ARHGEF3: variants seen among roughly 807,000 people sequenced by gnomAD.
ARHGEF3 encodes the protein Rho guanine nucleotide exchange factor 3, also known as 59.8 kDA protein.
Under a neutral mutation model 63.2 loss-of-function variants are expected in ARHGEF3, and 28 were observed. The ratio of observed to expected loss-of-function variants is 0.44; its 90% confidence interval spans 0.33 to 0.61. ARHGEF3 has a LOEUF of 0.61. Among genes scored for constraint, ARHGEF3 ranks in the 20% least tolerant of loss-of-function variants. ARHGEF3 has a pLI of 0.03. For missense variants in ARHGEF3, 533 were observed against 659.3 expected (o/e 0.81, Z 2.10); for synonymous variants, 266 against 254.2 (o/e 1.05, Z -0.44).
At chr3:56,738,316 G>C (rs1004614938) in intron 7 of ARHGEF3, among the ~76,000 whole-genome samples, 1 of 152,096 alleles carries the variant, frequency 6.6e-6, no homozygotes, top group African/African-American at 2.4e-5. Context: ...GGGATTACAA[G>C]TGTGAGCCAC....
At chr3:56,929,168 G>C (rs983967711) in intron 3 of ARHGEF3, among the ~76,000 whole-genome samples, 1 of 152,218 alleles carries the variant, frequency 6.6e-6, no homozygotes, top group Non-Finnish European at 1.5e-5. Flanking sequence ...AGGAGAGTGA[G>C]AGTGGGGGAT....
At chr3:56,807,671 A>C (rs908962230) in intron 4 of ARHGEF3, among the ~76,000 whole-genome samples, 4 of 152,200 alleles carry the variant, frequency 2.6e-5, no homozygotes, top group African/African-American at 9.7e-5. Context: ...AACCTAAAGA[A>C]GTTCTGGCAG....
intron 9 of ARHGEF3, 90 bp downstream of exon 9, chr3:56,732,148 G>A (rs1432890287): frequency 4.7e-6 from 7 of 1,476,072 alleles, no homozygotes; most frequent in African/African-American, 1.4e-5. Flanking sequence ...CTTCAAGACC[G>A]TGGCTTTTCT....
intron 2 of ARHGEF3, among the ~76,000 whole-genome samples, chr3:56,984,530 C>A (rs186056494): frequency 6.6e-6 from 1 of 150,872 alleles, no homozygotes; most frequent in Non-Finnish European, 1.5e-5. Flanking sequence ...AAATACTGGA[C>A]GAAAAACTAG....
rs541175762 is a variant in ARHGEF3 at position 56,838,836 on chromosome 3, T to C, written c.192+43456A>G. Among the ~76,000 whole-genome samples, 5 of 152,166 alleles carry C rather than the reference T, an allele frequency of 3.3e-5. 1 individual carries two copies. In the South Asian group the frequency reaches 1.0e-3, roughly 32 times the overall value. Reference sequence around the variant, plus strand: ...GTCATTTAAGAAAGGCAAACGATAATTTGTATAACCTGGCCGGGTGCAGTG... The same window carrying C: ...GTCATTTAAGAAAGGCAAACGATAACTTGTATAACCTGGCCGGGTGCAGTG... On this transcript the variant is annotated intron_variant, in intron 4 of 12. Coordinates refer to the ARHGEF3 transcript ENST00000338458.
chr3:57,071,864 A>C (rs1705925214), intron 1 of ARHGEF3, among the ~76,000 whole-genome samples: 1 of 152,208 alleles, frequency 6.6e-6, no homozygotes, highest in Admixed American at 6.5e-5. Context: ...AATACTTTAA[A>C]ATCATAGCTG....
intron 3 of ARHGEF3, among the ~76,000 whole-genome samples, chr3:56,895,622 C>G (rs1466027458): frequency 6.6e-6 from 1 of 152,012 alleles, no homozygotes; most frequent in East Asian, 1.9e-4. Flanking sequence ...TGCCATCACA[C>G]CGGGCTAATT....
intron 4 of ARHGEF3, among the ~76,000 whole-genome samples, chr3:56,864,015 T>C (rs1323378002): frequency 6.6e-6 from 1 of 152,142 alleles, no homozygotes; most frequent in African/African-American, 2.4e-5. Flanking sequence ...TATATGTCTC[T>C]CAAACTTGTC....
At chr3:56,826,576 G>C (rs2038720152) in intron 4 of ARHGEF3, among the ~76,000 whole-genome samples, 1 of 152,164 alleles carries the variant, frequency 6.6e-6, no homozygotes, top group South Asian at 2.1e-4. Context: ...GAAGAAAGTA[G>C]GAAAATGTCA....
intron 3 of ARHGEF3, among the ~76,000 whole-genome samples, chr3:56,901,089 C>G (rs901188648): frequency 2.0e-4 from 31 of 152,222 alleles, no homozygotes; most frequent in African/African-American, 6.8e-4. Flanking sequence ...GAGACTCTCA[C>G]TTTGTCTCAA....
intron 2 of ARHGEF3, among the ~76,000 whole-genome samples, chr3:56,964,727 A>C (rs1176955741): frequency 6.6e-6 from 1 of 152,120 alleles, no homozygotes; most frequent in Non-Finnish European, 1.5e-5. Context: ...GTCTCGACCA[A>C]AGTTTGAGGA....
chr3:56,755,184 G>A, intron 2 of ARHGEF3, 33 bp from the exon 3 acceptor site: 1 of 1,605,690 alleles, frequency 6.2e-7, no homozygotes, highest in Non-Finnish European at 8.5e-7. Context: ...CATCACGGGG[G>A]CAGCGGCAGG....
chr3:57,073,795 C>T, intron 1 of ARHGEF3: 1 of 1,614,194 alleles, frequency 6.2e-7, no homozygotes, highest in Non-Finnish European at 8.5e-7. Flanking sequence ...CCATGGCCAC[C>T]CAGAGGCCTT....
Position 56,939,354 on chromosome 3 carries a change from G to C in ARHGEF3, c.129+19469C>G, listed in dbSNP as rs372711192. 2.8e-4 allele frequency among the ~76,000 whole-genome samples: 42 copies of C among 152,214 alleles called. No individual in the cohort carries two copies. In the East Asian group the frequency reaches 5.2e-3, roughly 19 times the overall value. On this transcript the variant is annotated intron_variant, in intron 3 of 12. Transcript: ENST00000338458. ...CCTCTCATGCTTTCAAATACATAAG[G>C]CTCTTTTGGAGGTAGCAAGATCACT...
intron 3 of ARHGEF3, among the ~76,000 whole-genome samples, chr3:56,904,221 T>G (rs993894297): frequency 2.6e-5 from 4 of 151,930 alleles, no homozygotes; most frequent in Non-Finnish European, 4.4e-5. Context: ...TTGGTAGAGA[T>G]GAGATTTGCC....
intron 4 of ARHGEF3, among the ~76,000 whole-genome samples, chr3:56,827,063 T>C (rs9843226): frequency 0.5 from 76,244 of 152,004 alleles, 19,458 homozygotes; most frequent in Non-Finnish European, 0.53. Flanking sequence ...TTGCTAACTA[T>C]GACTCAAAGT....
At chr3:56,984,614 C>A (rs887600102) in intron 2 of ARHGEF3, among the ~76,000 whole-genome samples, 4 of 152,158 alleles carry the variant, frequency 2.6e-5, no homozygotes, top group African/African-American at 9.7e-5. Context: ...TTGATCGTGG[C>A]ATAACTTTTT....
chr3:56,746,764 A>G (rs2034414886), intron 6 of ARHGEF3, among the ~76,000 whole-genome samples: 1 of 152,058 alleles, frequency 6.6e-6, no homozygotes. Context: ...AAAAATAAAT[A>G]AAGTATGGCA....
At chr3:57,038,734 C>T (rs920943380) in intron 1 of ARHGEF3, among the ~76,000 whole-genome samples, 2 of 152,176 alleles carry the variant, frequency 1.3e-5, no homozygotes, top group Admixed American at 1.3e-4. Flanking sequence ...CGTCAGCCAT[C>T]GCCTCAGACC....
Sources: gnomAD v4.1 joint callset for allele counts (sites outside exome capture counted in the v4.1 genomes callset) on GRCh38, gnomAD v4.1.1 for gene constraint, MANE v1.5 for transcripts, NCBI Gene and HGNC (gene_info 2026-07-23, HGNC 2026-07-21) for gene names.